NUDT9: variants seen among roughly 807,000 people sequenced by gnomAD.
The protein encoded by NUDT9 is ADP-ribose pyrophosphatase.
A neutral mutation model predicts 41.0 loss-of-function variants in NUDT9; 31 were observed. That is an observed-to-expected ratio of 0.76 (90% CI 0.57 to 1.02). NUDT9 has a LOEUF of 1.02. NUDT9 is among the 50% of genes least tolerant of loss of function. The pLI is 0.00. For synonymous variants in NUDT9, 146 were observed against 147.6 expected (o/e 0.99, Z 0.08); for missense variants, 380 against 431.4 (o/e 0.88, Z 1.06).
intron 4 of NUDT9, among the ~76,000 whole-genome samples, chr4:87,448,737 G>T (rs529109380): frequency 1.3e-5 from 2 of 152,202 alleles, no homozygotes; most frequent in East Asian, 3.9e-4. Context: ...AAAGTGTTGG[G>T]ATTACAAGTG....
At chr4:87,457,643 AT>A (rs1286755095) in intron 7 of NUDT9, among the ~76,000 whole-genome samples, 199 bp from the exon 8 acceptor site, 1 of 152,166 alleles carries the variant, frequency 6.6e-6, no homozygotes, top group African/African-American at 2.4e-5. Context: ...CTTGGTTAAA[AT>A]TTGGACATTT....
chr4:87,457,569 TA>T (rs1160198645), intron 7 of NUDT9, among the ~76,000 whole-genome samples: 1 of 152,190 alleles, frequency 6.6e-6, no homozygotes, highest in African/African-American at 2.4e-5. Flanking sequence ...TCATGTAATA[TA>T]ATCTCGTTTT....
chr4:87,440,707 G>A (rs1031405684), intron 3 of NUDT9, among the ~76,000 whole-genome samples: 27 of 152,058 alleles, frequency 1.8e-4, no homozygotes, highest in Admixed American at 2.6e-4. Flanking sequence ...TTAGCTGGGC[G>A]TGGTGGTGCA....
At chr4:87,438,205 T>C in intron 2 of NUDT9, 72 bp from the exon 3 acceptor site, 1 of 792,028 alleles carries the variant, frequency 1.3e-6, no homozygotes, top group South Asian at 1.6e-5. Flanking sequence ...GATAACAGAT[T>C]GACTTTCATT....
intron 1 of NUDT9, among the ~76,000 whole-genome samples, chr4:87,428,704 T>TG (rs35703219): frequency 0.017 from 2,619 of 152,268 alleles, 85 homozygotes; most frequent in African/African-American, 0.06. Flanking sequence ...TTGGATGAAT[T>TG]GGGGTAGCAC....
intron 4 of NUDT9, among the ~76,000 whole-genome samples, chr4:87,443,968 G>A (rs749003362): frequency 6.6e-6 from 1 of 152,176 alleles, no homozygotes; most frequent in Non-Finnish European, 1.5e-5. Flanking sequence ...TCATATTCAA[G>A]TCTCTTGATG....
At chr4:87,424,254 GT>G (rs147874067) in intron 1 of NUDT9, among the ~76,000 whole-genome samples, 4,246 of 99,066 alleles carry the variant, frequency 0.043, 98 homozygotes, top group African/African-American at 0.17. Context: ...TCCCTAATGC[GT>G]TTTTTTTTTT....
intron 4 of NUDT9, among the ~76,000 whole-genome samples, chr4:87,447,427 C>A (rs1056957774): frequency 6.6e-6 from 1 of 151,592 alleles, no homozygotes; most frequent in African/African-American, 2.4e-5. Flanking sequence ...GGGTTTCATC[C>A]AGAGTAATAC....
At chr4:87,423,716 T>G (rs988044087) in intron 1 of NUDT9, among the ~76,000 whole-genome samples, 1 of 152,260 alleles carries the variant, frequency 6.6e-6, no homozygotes, top group Non-Finnish European at 1.5e-5. Flanking sequence ...TTCCTTCTGT[T>G]GCTTTTTCTC....
intron 2 of NUDT9, 131 bp from the exon 3 acceptor site, chr4:87,438,146 A>G: frequency 2.1e-6 from 1 of 477,060 alleles, no homozygotes; most frequent in South Asian, 3.0e-5. Context: ...GTGAAAAAAA[A>G]AAAAAAACTA....
intron 1 of NUDT9, among the ~76,000 whole-genome samples, chr4:87,430,382 G>A (rs1721632846): frequency 1.3e-5 from 2 of 152,174 alleles, no homozygotes; most frequent in South Asian, 4.1e-4. Context: ...TTGAATTTGT[G>A]GTGATTTGTT....
At chr4:87,429,759 T>G (rs922953809) in intron 1 of NUDT9, among the ~76,000 whole-genome samples, 1 of 147,016 alleles carries the variant, frequency 6.8e-6, no homozygotes, top group Non-Finnish European at 1.5e-5. Flanking sequence ...TGTACTCCCC[T>G]TTCCCCCTCC....
intron 5 of NUDT9, among the ~76,000 whole-genome samples, chr4:87,450,378 C>CTTTTT (rs59228872): frequency 3.6e-3 from 370 of 101,874 alleles, no homozygotes; most frequent in East Asian, 5.4e-3. Context: ...TTTTCTTTTT[C>CTTTTT]TTTTTTTTTT....
At chr4:87,446,958 T>A (rs566221988) in intron 4 of NUDT9, among the ~76,000 whole-genome samples, 1 of 152,292 alleles carries the variant, frequency 6.6e-6, no homozygotes, top group East Asian at 1.9e-4. Flanking sequence ...CAGACCAACA[T>A]ACATGCTTTT....
chr4:87,436,893 G>A (rs1003837585), intron 2 of NUDT9, among the ~76,000 whole-genome samples: 7 of 152,150 alleles, frequency 4.6e-5, no homozygotes, highest in Admixed American at 1.3e-4. Context: ...TTCACTGTCA[G>A]TGCAATTATG....
chr4:87,452,814 T>G (rs963959414), intron 6 of NUDT9, among the ~76,000 whole-genome samples: 1 of 147,902 alleles, frequency 6.8e-6, no homozygotes, highest in African/African-American at 2.5e-5. Context: ...ACAGAGTTTT[T>G]TTTTTTTTTT....
chr4:87,436,017 G>GCT (rs35132503), intron 2 of NUDT9, among the ~76,000 whole-genome samples: 46,845 of 151,376 alleles, frequency 0.31, 7,716 homozygotes, highest in Non-Finnish European at 0.38. Flanking sequence ...TGAGACTGGT[G>GCT]CTCTCTCTCT....
intron 1 of NUDT9, among the ~76,000 whole-genome samples, chr4:87,433,414 T>C (rs1374120195): frequency 1.3e-5 from 2 of 152,214 alleles, no homozygotes; most frequent in African/African-American, 4.8e-5. Flanking sequence ...CTGTCTTGTG[T>C]TTCCTAATGT....
intron 7 of NUDT9, among the ~76,000 whole-genome samples, chr4:87,455,607 G>A (rs907745190): frequency 6.6e-6 from 1 of 150,410 alleles, no homozygotes; most frequent in African/African-American, 2.4e-5. Flanking sequence ...TGTTTCTTTA[G>A]GCTATGTTTT....
Sources: gnomAD v4.1 joint callset for allele counts (sites outside exome capture counted in the v4.1 genomes callset) on GRCh38, gnomAD v4.1.1 for gene constraint, MANE v1.5 for transcripts, NCBI Gene and HGNC (gene_info 2026-07-23, HGNC 2026-07-21) for gene names.